Variants in CEP112 observed in about 807,000 individuals in gnomAD.
The protein encoded by CEP112 is centrosomal protein 112.
Under a neutral mutation model 153.0 loss-of-function variants are expected in CEP112, and 127 were observed. The observed-to-expected ratio is 0.83, with a 90% CI of 0.72 to 0.96. The LOEUF (loss-of-function observed/expected upper bound fraction) is 0.96, where lower values mean the gene tolerates loss of function less well. Among genes scored for constraint, CEP112 ranks in the 40% least tolerant of loss-of-function variants. CEP112 has a pLI of 0.00. For synonymous variants in CEP112, 358 were observed against 374.4 expected, an observed-to-expected ratio of 0.96 and a Z score of 0.51; for missense variants, 1,089 against 1,101.2, an observed-to-expected ratio of 0.99 and a Z score of 0.16.
At chr17:65,935,132 C>T (rs866626085) in intron 18 of CEP112, among the ~76,000 whole-genome samples, 8 of 152,116 alleles carry the variant, frequency 5.3e-5, no homozygotes, top group African/African-American at 1.7e-4. Context: ...CAGAGCCAAA[C>T]CATATCATAG....
rs375194817 is a variant in CEP112 at position 65,689,226 on chromosome 17, G to A, written c.2608-8C>T. On this transcript the variant is annotated splice_polypyrimidine_tract_variant and splice_region_variant and intron_variant, in intron 23 of 26. Coordinates refer to ENST00000535342, the MANE Select transcript of CEP112 (RefSeq NM_001199165.4). Reference sequence around the variant, plus strand: ...TAATTCATCTTGTAAAACCTGAAACGGTATAAAATAAAGATATCATTAATA... The same window carrying A: ...TAATTCATCTTGTAAAACCTGAAACAGTATAAAATAAAGATATCATTAATA... The A allele has an allele frequency of 1.3e-5, 21 of 1,593,236 alleles. No individual in the cohort carries two copies. The highest frequency in any genetic ancestry group is 5.4e-5 in the African/African-American group (4 of 74,330).
At chr17:65,976,735 CTT>C (rs771108755) in intron 17 of CEP112, among the ~76,000 whole-genome samples, 2 of 85,356 alleles carry the variant, frequency 2.3e-5, no homozygotes, top group Non-Finnish European at 4.6e-5. Context: ...ATAACTTTTT[CTT>C]TTTTTTTTTT....
chr17:65,867,924 AAAT>A (rs1255872362), intron 20 of CEP112, among the ~76,000 whole-genome samples: 1 of 70,000 alleles, frequency 1.4e-5, no homozygotes, highest in African/African-American at 4.6e-5. Context: ...CTATTTTTTC[AAAT>A]AATGTTGAAG....
intron 23 of CEP112, among the ~76,000 whole-genome samples, chr17:65,704,118 C>T (rs1212976039): frequency 6.6e-6 from 1 of 151,962 alleles, no homozygotes; most frequent in Non-Finnish European, 1.5e-5. Flanking sequence ...GAGGTTGGCC[C>T]TGCGACGACA....
intron 17 of CEP112, among the ~76,000 whole-genome samples, chr17:65,996,353 A>T (rs959294826): frequency 4.5e-5 from 6 of 133,160 alleles, no homozygotes; most frequent in Non-Finnish European, 6.5e-5. Context: ...AAATATTTTT[A>T]AAATCAATAT....
chr17:66,000,230 GT>G (rs71361253), intron 17 of CEP112, among the ~76,000 whole-genome samples: 50 of 142,650 alleles, frequency 3.5e-4, no homozygotes, highest in Non-Finnish European at 6.7e-4. Flanking sequence ...ACTGGCATCT[GT>G]TTTTTTTTTG....
chr17:66,141,085 T>C (rs1178786997), intron 4 of CEP112, among the ~76,000 whole-genome samples: 2 of 152,162 alleles, frequency 1.3e-5, no homozygotes, highest in African/African-American at 2.4e-5. Flanking sequence ...TGAATCTATA[T>C]TCTTCATCTC....
At chr17:66,035,008 A>ATTTTTTT (rs1218978308) in intron 12 of CEP112, among the ~76,000 whole-genome samples, 5 of 72,358 alleles carry the variant, frequency 6.9e-5, no homozygotes, top group Admixed American at 2.1e-4. Flanking sequence ...ATATATATAT[A>ATTTTTTT]TTTTTTTTTT....
intron 4 of CEP112, among the ~76,000 whole-genome samples, chr17:66,148,194 T>C (rs1404581582): frequency 1.3e-5 from 2 of 152,052 alleles, no homozygotes; most frequent in Non-Finnish European, 2.9e-5. Flanking sequence ...AGAAAGGGTT[T>C]CCCCTTATAA....
chr17:65,740,074 G>A (rs74650149), intron 23 of CEP112, among the ~76,000 whole-genome samples: 1,748 of 152,094 alleles, frequency 0.011, 30 homozygotes, highest in African/African-American at 0.037. Context: ...TTTCTCTTGA[G>A]TTATACTTTT....
intron 11 of CEP112, 151 bp from the exon 12 acceptor site, chr17:66,054,030 G>A: frequency 2.1e-6 from 1 of 472,560 alleles, no homozygotes; most frequent in Non-Finnish European, 3.6e-6. Context: ...AAACATTCAA[G>A]GTAAAGATAT....
At chr17:66,188,092 CCTA>C (rs2073005440) in intron 1 of CEP112, among the ~76,000 whole-genome samples, 1 of 152,078 alleles carries the variant, frequency 6.6e-6, no homozygotes. Flanking sequence ...CATCTGTCTC[CCTA>C]CTGTCAGTTT....
intron 23 of CEP112, among the ~76,000 whole-genome samples, chr17:65,716,148 T>C (rs949891963): frequency 6.9e-5 from 8 of 115,278 alleles, no homozygotes; most frequent in African/African-American, 2.6e-4. Flanking sequence ...CTACTCTTTT[T>C]CTTTCTTTGT....
intron 24 of CEP112, among the ~76,000 whole-genome samples, chr17:65,664,573 G>A (rs372281732): frequency 1.3e-5 from 2 of 152,306 alleles, no homozygotes; most frequent in East Asian, 1.9e-4. Flanking sequence ...GGGGAGAACG[G>A]AGATGATGAA....
chr17:65,968,693 A>T (rs987336361), intron 17 of CEP112, among the ~76,000 whole-genome samples: 1 of 152,200 alleles, frequency 6.6e-6, no homozygotes, highest in Non-Finnish European at 1.5e-5. Flanking sequence ...AAAAGTTACT[A>T]CATTTTTTAG....
chr17:65,936,294 G>C (rs1460207420), intron 18 of CEP112, among the ~76,000 whole-genome samples: 5 of 151,420 alleles, frequency 3.3e-5, no homozygotes, highest in African/African-American at 4.8e-5. Flanking sequence ...AAAAAGAGAA[G>C]CTTCTCAACA....
At chr17:65,771,939 T>C (rs2053380396) in intron 21 of CEP112, among the ~76,000 whole-genome samples, 1 of 152,080 alleles carries the variant, frequency 6.6e-6, no homozygotes, top group Non-Finnish European at 1.5e-5. Context: ...GGAGGGTTGC[T>C]TGAGCCCAGG....
chr17:66,146,588 T>G (rs1487544397), intron 4 of CEP112, among the ~76,000 whole-genome samples: 2 of 152,126 alleles, frequency 1.3e-5, no homozygotes, highest in Non-Finnish European at 2.9e-5. Context: ...ATATTCACAT[T>G]GTTGTGCAAT....
intron 1 of CEP112, among the ~76,000 whole-genome samples, chr17:66,189,133 C>A (rs2073063336): frequency 6.6e-6 from 1 of 152,154 alleles, no homozygotes; most frequent in African/African-American, 2.4e-5. Flanking sequence ...GATTAAAATT[C>A]TGAAACCTCT....
Sources: gnomAD v4.1 joint callset for allele counts (sites outside exome capture counted in the v4.1 genomes callset) on GRCh38, gnomAD v4.1.1 for gene constraint, MANE v1.5 for transcripts, NCBI Gene and HGNC (gene_info 2026-07-23, HGNC 2026-07-21) for gene names.